GABRB1: variants seen among roughly 807,000 people sequenced by gnomAD.
GABRB1 encodes the protein gamma-aminobutyric acid receptor subunit beta-1.
GABRB1 carries 17 observed loss-of-function variants against 51.6 expected under a neutral mutation model. The observed-to-expected ratio is 0.33, with a 90% CI of 0.23 to 0.49. The LOEUF is 0.49. Among genes scored for constraint, GABRB1 ranks in the 20% least tolerant of loss-of-function variants. GABRB1 has a pLI of 0.99. For missense variants in GABRB1, 410 were observed against 600.6 expected (o/e 0.68, Z 3.32); for synonymous variants, 247 against 218.9 (o/e 1.13, Z -1.14).
At chr4:47,016,563 A>ATTTC (rs1386070880) in intron 1 of GABRB1, among the ~76,000 whole-genome samples, 2 of 151,228 alleles carry the variant, frequency 1.3e-5, no homozygotes, top group African/African-American at 4.9e-5. Context: ...TGTGCAGATT[A>ATTTC]TTTATTTATT....
chr4:47,056,255 G>A lies in GABRB1; in HGVS notation c.240+23771G>A, dbSNP rs569994201. On this transcript the variant is annotated intron_variant, in intron 3 of 8. Coordinates refer to ENST00000295454, the MANE Select transcript of GABRB1 (RefSeq NM_000812.4). ...TAATATGTCTCATTTTTTTCTGGTA[G>A]AGAAAATTTAAAATCAATATTTTCA... is the stretch of plus-strand genomic sequence containing the variant. Among the ~76,000 whole-genome samples the A allele has an allele frequency of 3.9e-5, 6 of 152,244 alleles. No homozygotes were observed. The South Asian group carries it at 1.2e-3, about 32-fold the overall frequency.
chr4:47,098,187 C>G (rs1560533453), intron 3 of GABRB1, among the ~76,000 whole-genome samples: 1 of 136,208 alleles, frequency 7.3e-6, no homozygotes, highest in Non-Finnish European at 1.6e-5. Context: ...CACACACACA[C>G]ACATGTTTTT....
intron 4 of GABRB1, among the ~76,000 whole-genome samples, chr4:47,184,497 C>T (rs1456371481): frequency 1.3e-5 from 2 of 151,926 alleles, no homozygotes. Context: ...TTGCCTCACT[C>T]TAAAAGATGC....
chr4:47,254,586 A>G (rs1248636923), intron 4 of GABRB1, among the ~76,000 whole-genome samples: 1 of 151,156 alleles, frequency 6.6e-6, no homozygotes, highest in African/African-American at 2.4e-5. Flanking sequence ...GTTAGCCAGG[A>G]TGGTCTCGAT....
At chr4:47,042,311 A>G (rs1380858418) in intron 3 of GABRB1, among the ~76,000 whole-genome samples, 1 of 149,786 alleles carries the variant, frequency 6.7e-6, no homozygotes, top group East Asian at 1.9e-4. Context: ...CCATAGAAAC[A>G]GCTTCATCAC....
intron 8 of GABRB1, among the ~76,000 whole-genome samples, chr4:47,421,989 T>A (rs1729105205): frequency 6.6e-6 from 1 of 152,106 alleles, no homozygotes; most frequent in African/African-American, 2.4e-5. Flanking sequence ...CCTCATCACT[T>A]CAACCCTACC....
chr4:47,254,655 A>G (rs1232057748), intron 4 of GABRB1, among the ~76,000 whole-genome samples: 3 of 151,850 alleles, frequency 2.0e-5, no homozygotes, highest in Non-Finnish European at 2.9e-5. Context: ...TACCAGGGTG[A>G]GCCACCATGC....
intron 5 of GABRB1, among the ~76,000 whole-genome samples, chr4:47,392,588 C>T (rs530836190): frequency 1.2e-4 from 18 of 152,274 alleles, no homozygotes; most frequent in Admixed American, 5.9e-4. Context: ...TAGATCTGCC[C>T]GCCTTGGCCT....
At chr4:47,052,553 G>A (rs1726399439) in intron 3 of GABRB1, among the ~76,000 whole-genome samples, 1 of 152,208 alleles carries the variant, frequency 6.6e-6, no homozygotes, top group Admixed American at 6.5e-5. Context: ...AGCTAGTATA[G>A]CCACAGTGTG....
chr4:47,414,480 C>G (rs1353110517), intron 8 of GABRB1, among the ~76,000 whole-genome samples: 1 of 152,136 alleles, frequency 6.6e-6, no homozygotes, highest in Non-Finnish European at 1.5e-5. Context: ...AGGAGGCAAT[C>G]AGATATGCAT....
intron 3 of GABRB1, among the ~76,000 whole-genome samples, chr4:47,144,300 C>G (rs1279737521): frequency 6.6e-6 from 1 of 151,914 alleles, no homozygotes; most frequent in African/African-American, 2.4e-5. Context: ...AAATTTATTC[C>G]CTCTGAGTTT....
chr4:47,421,810 C>T (rs1729098189), intron 8 of GABRB1, among the ~76,000 whole-genome samples: 2 of 152,040 alleles, frequency 1.3e-5, no homozygotes, highest in Admixed American at 6.6e-5. Flanking sequence ...CTTGTCCCTC[C>T]CAATATTATG....
At chr4:47,221,163 A>C (rs190635065) in intron 4 of GABRB1, among the ~76,000 whole-genome samples, 1 of 151,992 alleles carries the variant, frequency 6.6e-6, no homozygotes, top group Admixed American at 6.6e-5. Context: ...TACCATCTAC[A>C]TTTCAAAGTC....
At chr4:47,417,731 C>G (rs775001151) in intron 8 of GABRB1, among the ~76,000 whole-genome samples, 9 of 152,212 alleles carry the variant, frequency 5.9e-5, no homozygotes, top group Non-Finnish European at 1.3e-4. Flanking sequence ...TGCTTCAGAA[C>G]CACTCAGTAA....
intron 1 of GABRB1, among the ~76,000 whole-genome samples, chr4:47,020,208 C>T (rs181931094): frequency 6.6e-5 from 10 of 152,198 alleles, no homozygotes; most frequent in African/African-American, 2.4e-4. Context: ...ATAAAGACAT[C>T]AATCATATTT....
At position 47,157,995 on chromosome 4, in the gene GABRB1, G is replaced by A. The variant is rs1009670567; in HGVS notation, c.241-3254G>A. 5.3e-5 allele frequency among the ~76,000 whole-genome samples: 8 copies of A among 151,912 alleles called. No individual in the cohort carries two copies. The South Asian group carries it at 6.2e-4, about 12-fold the overall frequency. ...CATTATTGCTTGAATTTATAACCAC[G>A]ATATAATTTTTACTCAATATGTATT... On this transcript the variant is annotated intron_variant, in intron 3 of 8. Transcript: ENST00000295454.
At chr4:47,006,162 C>T (rs1724391695) in intron 1 of GABRB1, among the ~76,000 whole-genome samples, 1 of 151,854 alleles carries the variant, frequency 6.6e-6, no homozygotes, top group African/African-American at 2.4e-5. Flanking sequence ...ATGTGTTTTT[C>T]TCTGTCCCTG....
chr4:47,205,158 G>A (rs1039810848), intron 4 of GABRB1, among the ~76,000 whole-genome samples: 47 of 152,188 alleles, frequency 3.1e-4, no homozygotes, highest in African/African-American at 1.1e-3. Context: ...CTAATTCTAA[G>A]GCTTAACCTC....
At chr4:47,413,167 T>C (rs1194044235) in intron 8 of GABRB1, among the ~76,000 whole-genome samples, 1 of 152,216 alleles carries the variant, frequency 6.6e-6, no homozygotes, top group Non-Finnish European at 1.5e-5. Flanking sequence ...AAGAAATGAT[T>C]TGGGGGCTGC....
Sources: gnomAD v4.1 joint callset for allele counts (sites outside exome capture counted in the v4.1 genomes callset) on GRCh38, gnomAD v4.1.1 for gene constraint, MANE v1.5 for transcripts, NCBI Gene and HGNC (gene_info 2026-07-23, HGNC 2026-07-21) for gene names.